Variants in SLC25A33 observed in about 807,000 individuals in gnomAD.
SLC25A33 encodes solute carrier family 25 member 33.
In SLC25A33, 15 loss-of-function variants were observed where a neutral mutation model predicts 35.5. The observed-to-expected ratio is 0.42, with a 90% CI of 0.28 to 0.65. The LOEUF (loss-of-function observed/expected upper bound fraction) is 0.65, where lower values mean the gene tolerates loss of function less well. Among genes scored for constraint, SLC25A33 ranks in the 30% least tolerant of loss-of-function variants. The probability of loss-of-function intolerance (pLI) is 0.20; values close to 1 mark genes in which losing one functional copy is unlikely to be tolerated. For synonymous variants in SLC25A33, 136 were observed against 148.7 expected (o/e 0.91, Z 0.62); for missense variants, 257 against 398.5 (o/e 0.64, Z 3.02).
intron 2 of SLC25A33, among the ~76,000 whole-genome samples, chr1:9,556,602 G>A (rs1397338666): frequency 6.6e-6 from 1 of 152,058 alleles, no homozygotes; most frequent in East Asian, 1.9e-4. Flanking sequence ...TCTGATTTTA[G>A]AACATTTTGG....
chr1:9,574,202 C>G (rs571968384), intron 5 of SLC25A33, among the ~76,000 whole-genome samples: 1 of 151,658 alleles, frequency 6.6e-6, no homozygotes, highest in Non-Finnish European at 1.5e-5. Context: ...ATCCTCCTGC[C>G]TCAGCCTCAC....
At chr1:9,546,450 C>T (rs1256225327) in intron 1 of SLC25A33, among the ~76,000 whole-genome samples, 1 of 152,070 alleles carries the variant, frequency 6.6e-6, no homozygotes, top group East Asian at 1.9e-4. Context: ...TCCCAAAGTG[C>T]TGGGATTACA....
intron 2 of SLC25A33, among the ~76,000 whole-genome samples, chr1:9,555,614 A>C (rs547819508): frequency 6.6e-6 from 1 of 152,318 alleles, no homozygotes; most frequent in Admixed American, 6.5e-5. Flanking sequence ...AAGTGAGAGC[A>C]TCAGAAGCCC....
At chr1:9,553,603 A>G (rs1643299823) in intron 1 of SLC25A33, 23 bp from the exon 2 acceptor site, 1 of 1,611,962 alleles carries the variant, frequency 6.2e-7, no homozygotes, top group Non-Finnish European at 8.5e-7. Context: ...AGCTTCTCTG[A>G]TCTGCTTTGG....
At chr1:9,545,845 T>G (rs1394974712) in intron 1 of SLC25A33, among the ~76,000 whole-genome samples, 1 of 151,516 alleles carries the variant, frequency 6.6e-6, no homozygotes, top group Non-Finnish European at 1.5e-5. Context: ...GGCCTGTAAT[T>G]TCAGCTACTT....
At chr1:9,564,587 T>TA (rs1312758456) in intron 2 of SLC25A33, among the ~76,000 whole-genome samples, 1 of 150,978 alleles carries the variant, frequency 6.6e-6, no homozygotes, top group Non-Finnish European at 1.5e-5. Context: ...ATTCAGCCTT[T>TA]AAAAAAAAGG....
At position 9,582,374 on chromosome 1, in the gene SLC25A33, G is replaced by A. The variant is rs374393786; in HGVS notation, c.839G>A (p.Arg280Gln). Reference sequence around the variant, plus strand: ...GTCCAGACGGCGCGCCTGGTGTTCCGGGAAGAAGGCTACCTTGCCTTTTAT... The same window carrying A: ...GTCCAGACGGCGCGCCTGGTGTTCCAGGAAGAAGGCTACCTTGCCTTTTAT... ...SFVQTARLVF[R>Q]EEGYLAFYRG... Residue 280 changes from arginine to glutamine, a missense_variant, in exon 7 of 7, where the codon CGG becomes CAG. Transcript: ENST00000302692. This position sits in a 1 kb window ranked among gnomAD's most constrained non-coding sequence, Gnocchi z 4.0. 61 of 1,613,956 alleles carry A rather than the reference G, an allele frequency of 3.8e-5. No individual in the cohort carries two copies. In the Middle Eastern group the frequency reaches 6.6e-4, roughly 17 times the overall value.
At position 9,580,278 on chromosome 1, in the gene SLC25A33, A is replaced by G. The variant is rs750953651; in HGVS notation, c.763+44A>G. 2.5e-6 allele frequency: 4 copies of G among 1,592,042 alleles called. No individual in the cohort carries two copies. In the East Asian group the frequency reaches 6.7e-5, roughly 27 times the overall value. ...CTTCCAGAGCAGTAAAACAGCTGTCACGTTTGTTGTTTGTGGGTATATCTA... is the reference window on the plus strand; with the variant it reads ...CTTCCAGAGCAGTAAAACAGCTGTCGCGTTTGTTGTTTGTGGGTATATCTA... On this transcript the variant is annotated intron_variant, in intron 6 of 6. Coordinates refer to ENST00000302692, the MANE Select transcript of SLC25A33 (RefSeq NM_032315.3).
chr1:9,564,818 G>A (rs1168053761), intron 2 of SLC25A33, among the ~76,000 whole-genome samples: 2 of 149,320 alleles, frequency 1.3e-5, no homozygotes, highest in Non-Finnish European at 3.0e-5. Context: ...TAGCTACTGG[G>A]AAGGCTGAAG....
chr1:9,556,173 C>A, intron 2 of SLC25A33: 1 of 985,354 alleles, frequency 1.0e-6, no homozygotes, highest in Non-Finnish European at 1.2e-6. Context: ...TGCCTTTTCA[C>A]ATGCTTAGGC....
intron 2 of SLC25A33, among the ~76,000 whole-genome samples, chr1:9,558,021 G>A (rs979178329): frequency 6.6e-6 from 1 of 152,162 alleles, no homozygotes; most frequent in Admixed American, 6.5e-5. Context: ...CCTTTTACGT[G>A]GTAGTATTTC....
At position 9,550,011 on chromosome 1, in the gene SLC25A33, ATTTTTTTTTTTT is replaced by A. The variant is rs70979761; in HGVS notation, c.57-3599_57-3588del. Among the ~76,000 whole-genome samples, 14 of 48,866 alleles carry A rather than the reference ATTTTTTTTTTTT, an allele frequency of 2.9e-4. No individual in the cohort carries two copies. In the Admixed American group the frequency reaches 4.7e-3, roughly 16 times the overall value. The allele number at this position is 48,866 out of a possible 152,430, so 32.1% of individuals were successfully genotyped here. On this transcript the variant is annotated intron_variant, in intron 1 of 6. Transcript: ENST00000302692. Reference sequence around the variant, plus strand: ...TTTTTCTATACATATATATATATATATTTTTTTTTTTTTTTTTTTTTTTTTTTGAGACGGGGT... The same window carrying A: ...TTTTTCTATACATATATATATATATATTTTTTTTTTTTTTTGAGACGGGGT...
Position 9,567,330 on chromosome 1 carries a change from G to A in SLC25A33, c.283G>A (p.Gly95Ser), listed in dbSNP as rs776099808. The change falls in exon 3 of 7, where the codon GGT (glycine) becomes AGT (serine). Residue 95 changes from glycine to serine, a missense_variant. Transcript: ENST00000302692. Reference protein sequence around the residue: ...EGPKSLFRGLGPNLVGVAPSR... With the variant: ...EGPKSLFRGLSPNLVGVAPSR... ...ACCAAAGTCACTTTTTAGAGGCTTG[G>A]GTCCAAATTTGGTTGGAGTTGCACC... The A allele has an allele frequency of 3.3e-5, 54 of 1,613,770 alleles. No individual in the cohort carries two copies. Among genetic ancestry groups the A allele is most frequent in the Non-Finnish European group, 4.5e-5 (53 of 1,179,934 alleles).
chr1:9,560,857 G>A (rs764383350), intron 2 of SLC25A33, among the ~76,000 whole-genome samples: 1 of 150,040 alleles, frequency 6.7e-6, no homozygotes, highest in Non-Finnish European at 1.5e-5. Flanking sequence ...AATAGTATAT[G>A]TATTTCAGGT....
At chr1:9,577,857 G>A (rs1403543780) in intron 5 of SLC25A33, among the ~76,000 whole-genome samples, 1 of 152,166 alleles carries the variant, frequency 6.6e-6, no homozygotes, top group Non-Finnish European at 1.5e-5. Context: ...GCACATGACA[G>A]CCTGCTTCTC....
At chr1:9,570,024 C>A (rs188651080) in intron 3 of SLC25A33, among the ~76,000 whole-genome samples, 1 of 152,280 alleles carries the variant, frequency 6.6e-6, no homozygotes, top group African/African-American at 2.4e-5. Context: ...ATCTCACTTT[C>A]CTCAATTATT....
chr1:9,547,706 C>T (rs536749954), intron 1 of SLC25A33, among the ~76,000 whole-genome samples: 2 of 152,178 alleles, frequency 1.3e-5, no homozygotes, highest in South Asian at 4.1e-4. Context: ...CCCCCTCCCC[C>T]ATTTCAAAAC....
chr1:9,543,071 G>C (rs1366559736), intron 1 of SLC25A33, among the ~76,000 whole-genome samples: 1 of 152,118 alleles, frequency 6.6e-6, no homozygotes, highest in Non-Finnish European at 1.5e-5. Flanking sequence ...ACCTGCCTTG[G>C]CCTCCCAAAG....
chr1:9,556,332 T>TA, intron 2 of SLC25A33: 1 of 829,070 alleles, frequency 1.2e-6, no homozygotes, highest in Non-Finnish European at 1.5e-6. Flanking sequence ...TTGGATTTAC[T>TA]GTAACTGGGG....
Sources: allele counts gnomAD v4.1 joint callset (sites outside exome capture counted in the v4.1 genomes callset), GRCh38; gene constraint gnomAD v4.1.1; non-coding constraint Gnocchi (gnomAD v3.1); transcripts MANE v1.5; gene names NCBI Gene and HGNC (gene_info 2026-07-23, HGNC 2026-07-21).